The following SCP2 variants were observed in gnomAD, a reference collection of about 807,000 sequenced individuals.
The protein encoded by SCP2 is SCP-2/3-oxoacyl-CoA thiolase.
In SCP2, 48 loss-of-function variants were observed where a neutral mutation model predicts 71.4. The ratio of observed to expected loss-of-function variants is 0.67; its 90% confidence interval spans 0.53 to 0.86. The LOEUF (loss-of-function observed/expected upper bound fraction) is 0.86. SCP2 is among the 40% of genes least tolerant of loss of function. SCP2 has a pLI of 0.00. For synonymous variants in SCP2, 220 were observed against 218.1 expected, an observed-to-expected ratio of 1.01 and a Z score of -0.08; for missense variants, 560 against 655.6, an observed-to-expected ratio of 0.85 and a Z score of 1.59.
intron 14 of SCP2, among the ~76,000 whole-genome samples, chr1:53,042,346 T>C (rs1425073823): frequency 6.6e-6 from 1 of 152,160 alleles, no homozygotes; most frequent in Non-Finnish European, 1.5e-5. Flanking sequence ...GTTGTTTTTT[T>C]TTTAATTTCT....
intron 10 of SCP2, 41 bp from the exon 11 acceptor site, chr1:52,987,988 G>A: frequency 1.0e-6 from 1 of 996,882 alleles, no homozygotes; most frequent in Admixed American, 1.7e-5. Flanking sequence ...TTGTTCTATT[G>A]TTACTATTAA....
intron 12 of SCP2, among the ~76,000 whole-genome samples, chr1:53,025,092 TC>T (rs1662028907): frequency 6.6e-6 from 1 of 152,122 alleles, no homozygotes. Flanking sequence ...ACTTCCACCC[TC>T]CACTGAAAAC....
intron 11 of SCP2, chr1:52,996,106 T>C (rs1258511708): frequency 8.0e-6 from 5 of 626,072 alleles, no homozygotes; most frequent in Admixed American, 3.9e-5. Flanking sequence ...CCTCAGAATT[T>C]GTGTTTGCTG....
chr1:53,046,448 T>G (rs1293034802), intron 14 of SCP2, among the ~76,000 whole-genome samples: 3 of 152,166 alleles, frequency 2.0e-5, no homozygotes, highest in Non-Finnish European at 4.4e-5. Flanking sequence ...CATGTGTTTC[T>G]TGGCCATTTG....
At chr1:52,962,315 T>C (rs925386964) in intron 6 of SCP2, among the ~76,000 whole-genome samples, 7 of 152,258 alleles carry the variant, frequency 4.6e-5, no homozygotes, top group African/African-American at 1.7e-4. Context: ...TCTCAGTCTA[T>C]CCATTTCTCA....
At chr1:52,989,720 A>G (rs934959398) in intron 11 of SCP2, among the ~76,000 whole-genome samples, 9 of 152,234 alleles carry the variant, frequency 5.9e-5, no homozygotes, top group Non-Finnish European at 5.9e-5. Flanking sequence ...AAAATCAGCC[A>G]CAACTGTTCA....
chr1:52,927,565 CGTG>C (rs1349028455), intron 1 of SCP2, 100 bp downstream of exon 1: 1 of 878,156 alleles, frequency 1.1e-6, no homozygotes, highest in East Asian at 2.6e-5. Flanking sequence ...CTGCTCCGCG[CGTG>C]GGTCATCGGC....
chr1:53,000,602 A>T (rs1660250381), intron 11 of SCP2, among the ~76,000 whole-genome samples: 1 of 152,150 alleles, frequency 6.6e-6, no homozygotes, highest in African/African-American at 2.4e-5. Flanking sequence ...TAGGTACTGT[A>T]GGGCTGTGAA....
intron 6 of SCP2, among the ~76,000 whole-genome samples, chr1:52,973,643 G>A (rs1021909275): frequency 7.2e-5 from 11 of 152,012 alleles, no homozygotes; most frequent in Non-Finnish European, 1.5e-4. Context: ...GCACAATCTC[G>A]GCTCACTGCA....
intron 4 of SCP2, 36 bp from the exon 5 acceptor site, chr1:52,954,704 A>C: frequency 5.1e-6 from 8 of 1,567,912 alleles, no homozygotes; most frequent in Non-Finnish European, 7.0e-6. Flanking sequence ...GTGTTTGGAA[A>C]TTTGAATTTT....
rs145824988 is a variant in SCP2 at position 52,979,371 on chromosome 1, C to T, written c.825+1004C>T. On this transcript the variant is annotated intron_variant, in intron 9 of 15. Coordinates refer to ENST00000371514, the MANE Select transcript of SCP2 (RefSeq NM_002979.5). ...TATTTTTTTTTTTTTTGTAAAGACA[C>T]GATTTTGCCATGTTACCCAGGCTGG... Among the ~76,000 whole-genome samples, 953 of 149,546 alleles carry T rather than the reference C, an allele frequency of 6.4e-3. 12 individuals are homozygous for T. The highest frequency in any genetic ancestry group is 0.017 in the Middle Eastern group (5 of 290).
chr1:52,945,485 TG>T (rs1023369444), intron 2 of SCP2, among the ~76,000 whole-genome samples: 1 of 152,180 alleles, frequency 6.6e-6, no homozygotes, highest in Non-Finnish European at 1.5e-5. Context: ...GCAGATCACC[TG>T]AGGTCAAGGG....
At chr1:52,978,886 C>G (rs1012704526) in intron 9 of SCP2, among the ~76,000 whole-genome samples, 1 of 152,084 alleles carries the variant, frequency 6.6e-6, no homozygotes, top group Non-Finnish European at 1.5e-5. Context: ...AATGAACTTT[C>G]TTGACCCTCA....
At chr1:53,021,571 T>C (rs956640337) in intron 12 of SCP2, among the ~76,000 whole-genome samples, 9 of 151,786 alleles carry the variant, frequency 5.9e-5, no homozygotes, top group African/African-American at 2.2e-4. Flanking sequence ...CCTCCCACCT[T>C]GGCCTCCCAA....
chr1:52,954,224 GGATC>G (rs1461331141), intron 4 of SCP2, among the ~76,000 whole-genome samples: 2 of 151,162 alleles, frequency 1.3e-5, no homozygotes, highest in African/African-American at 4.9e-5. Flanking sequence ...TGAGGTGGGA[GGATC>G]GTTTGAGCCT....
chr1:53,042,988 T>G (rs1663540100), intron 14 of SCP2, among the ~76,000 whole-genome samples: 2 of 152,096 alleles, frequency 1.3e-5, no homozygotes, highest in Admixed American at 1.3e-4. Context: ...CTTTGATTAA[T>G]CTAACATAAC....
chr1:52,951,463 C>T (rs1655297432), intron 4 of SCP2, among the ~76,000 whole-genome samples: 2 of 144,832 alleles, frequency 1.4e-5, no homozygotes, highest in South Asian at 2.2e-4. Context: ...ATTAGCCAGG[C>T]GTGGTGGTCC....
chr1:53,017,032 AC>A (rs1343736670), intron 12 of SCP2, among the ~76,000 whole-genome samples: 1 of 152,182 alleles, frequency 6.6e-6, no homozygotes, highest in Non-Finnish European at 1.5e-5. Flanking sequence ...TCACAATTAA[AC>A]TTTAATTTAG....
At chr1:52,945,035 A>T (rs1654646131) in intron 2 of SCP2, among the ~76,000 whole-genome samples, 1 of 152,060 alleles carries the variant, frequency 6.6e-6, no homozygotes, top group South Asian at 2.1e-4. Flanking sequence ...AGAGCAATGC[A>T]TGTGTTTTAT....
Sources: gnomAD v4.1 joint callset for allele counts (sites outside exome capture counted in the v4.1 genomes callset) on GRCh38, gnomAD v4.1.1 for gene constraint, MANE v1.5 for transcripts, NCBI Gene and HGNC (gene_info 2026-07-23, HGNC 2026-07-21) for gene names.